RBL2: variants seen among roughly 807,000 people sequenced by gnomAD.
The protein encoded by RBL2 is RB transcriptional corepressor like 2.
RBL2 carries 56 observed loss-of-function variants against 126.0 expected under a neutral mutation model. That is an observed-to-expected ratio of 0.44 (90% CI 0.36 to 0.56). The LOEUF (loss-of-function observed/expected upper bound fraction) is 0.56, where lower values mean the gene tolerates loss of function less well. Among genes scored for constraint, RBL2 ranks in the 20% least tolerant of loss-of-function variants. RBL2 has a pLI of 0.00. For missense variants in RBL2, 1,229 were observed against 1,398.2 expected (o/e 0.88, Z 1.93); for synonymous variants, 454 against 478.5 (o/e 0.95, Z 0.67).
intron 21 of RBL2, 197 bp from the exon 22 acceptor site, chr16:53,489,933 C>T: frequency 2.5e-6 from 1 of 395,898 alleles, no homozygotes. Flanking sequence ...AACTACTCAG[C>T]CCCTTCTCAA....
chr16:53,458,721 G>C (rs929183640), intron 8 of RBL2, among the ~76,000 whole-genome samples: 1 of 152,188 alleles, frequency 6.6e-6, no homozygotes, highest in Non-Finnish European at 1.5e-5. Flanking sequence ...GGTGTGAGGC[G>C]AAAGGCACTT....
chr16:53,466,853 C>T (rs2058277272), intron 13 of RBL2: 2 of 481,480 alleles, frequency 4.2e-6, no homozygotes, highest in South Asian at 2.4e-5. Flanking sequence ...AAGTTTGACT[C>T]ATATTTAGTA....
At chr16:53,451,344 A>C (rs1404294143) in intron 4 of RBL2, among the ~76,000 whole-genome samples, 1 of 152,160 alleles carries the variant, frequency 6.6e-6, no homozygotes, top group African/African-American at 2.4e-5. Context: ...CATCTCTAAA[A>C]AAAGTTTTTA....
intron 7 of RBL2, 91 bp from the exon 8 acceptor site, chr16:53,454,565 A>T: frequency 8.3e-7 from 1 of 1,211,834 alleles, no homozygotes; most frequent in Non-Finnish European, 1.1e-6. Flanking sequence ...AAAAACTATT[A>T]GAACTTTTAG....
intron 10 of RBL2, among the ~76,000 whole-genome samples, 157 bp from the exon 11 acceptor site, chr16:53,462,395 A>G (rs576018445): frequency 6.6e-6 from 1 of 152,338 alleles, no homozygotes; most frequent in East Asian, 1.9e-4. Flanking sequence ...AAATTAAGGT[A>G]TCTTAGGGAT....
At chr16:53,482,917 GGAGACTAGGGA>G (rs1961013598) in intron 21 of RBL2, among the ~76,000 whole-genome samples, 1 of 152,014 alleles carries the variant, frequency 6.6e-6, no homozygotes. Flanking sequence ...GTATCATTGA[GGAGACTAGGGA>G]GACACGACAT....
intron 1 of RBL2, 92 bp downstream of exon 1, chr16:53,434,888 G>C: frequency 1.4e-6 from 2 of 1,390,158 alleles, no homozygotes; most frequent in Non-Finnish European, 1.9e-6. Flanking sequence ...ACTCTCGGGC[G>C]GGTTGCGGGC....
intron 17 of RBL2, among the ~76,000 whole-genome samples, chr16:53,475,787 C>T (rs1009383024): frequency 4.1e-5 from 6 of 145,518 alleles, no homozygotes; most frequent in African/African-American, 1.3e-4. Flanking sequence ...AAATCCTTTA[C>T]GTAGATATCA....
chr16:53,435,833 A>T, intron 1 of RBL2: 1 of 1,112,910 alleles, frequency 9.0e-7, no homozygotes, highest in Non-Finnish European at 1.2e-6. Flanking sequence ...ATTTTAATTC[A>T]ATTACTAGTT....
Position 53,470,873 on chromosome 16 carries a change from A to G in RBL2, c.2654A>G (p.Asp885Gly), listed in dbSNP as rs147400059. 6.2e-5 allele frequency: 100 copies of G among 1,614,184 alleles called. No homozygotes were observed. Among genetic ancestry groups the G allele is most frequent in the African/African-American group, 3.3e-4 (25 of 75,062 alleles). ...ATTCAGTGTCCTGAACTTATGATGG[A>G]CAGACATCTGGACCAGTTATTAATG... The part of the protein sequence containing the change: ...SIIQCPELMM[D>G]RHLDQLLMCA... Residue 885 changes from aspartate to glycine, a missense_variant, in exon 17 of 22, where the codon GAC becomes GGC. This residue lies in a region of RBL2 where 1,070 missense variants were observed against 1,274.3 expected (regional missense o/e 0.84). Transcript: ENST00000262133.
At chr16:53,465,691 G>T in intron 13 of RBL2, 89 bp downstream of exon 13, 1 of 1,044,106 alleles carries the variant, frequency 9.6e-7, no homozygotes, top group South Asian at 2.5e-5. Flanking sequence ...GTGGCAATTA[G>T]GTTTAATATG....
At chr16:53,459,752 CTA>C (rs2058202140) in intron 9 of RBL2, 135 bp downstream of exon 9, 2 of 766,254 alleles carry the variant, frequency 2.6e-6, no homozygotes, top group Admixed American at 3.6e-5. Context: ...TGTTGTGAGT[CTA>C]TAGAGGACCT....
chr16:53,471,341 T>G (rs2058321107), intron 17 of RBL2, among the ~76,000 whole-genome samples: 1 of 152,148 alleles, frequency 6.6e-6, no homozygotes, highest in Admixed American at 6.5e-5. Flanking sequence ...CAAAGTACTG[T>G]ACCATTTTAC....
Position 53,481,359 on chromosome 16 carries a change from A to G in RBL2, c.3085-312A>G, listed in dbSNP as rs908643299. 52 of 256,436 alleles carry G rather than the reference A, an allele frequency of 2.0e-4. 1 individual carries two copies. The highest frequency in any genetic ancestry group is 1.2e-3 in the African/African-American group (52 of 43,462). The allele number at this position is 256,436 out of a possible 1,614,324, so 15.9% of individuals were successfully genotyped here. ...ACTTAACAGTGGTGGTAACCTTGCA[A>G]ATCATTAAATTTTCTCTGTACCTCA... On this transcript the variant is annotated intron_variant, in intron 20 of 21. Transcript: ENST00000262133.
Position 53,442,725 on chromosome 16 carries a change from G to A in RBL2, c.439G>A (p.Glu147Lys). 1 of 1,613,846 alleles carries A rather than the reference G, an allele frequency of 6.2e-7. No individual in the cohort carries two copies. The highest frequency in any genetic ancestry group is 8.5e-7 in the Non-Finnish European group (1 of 1,179,794). The change falls in exon 3 of 22, where the codon GAA becomes AAA. Residue 147 changes from glutamate to lysine, a missense_variant. Glu to Lys is a moderately conservative substitution (Grantham distance 56). This residue lies in a region of RBL2 where 1,070 missense variants were observed against 1,274.3 expected (regional missense o/e 0.84). Transcript: ENST00000262133. ...GGCAAATCTACCCCCACATTTCAGAGAACGTACTGAGAGATTAGAAAGAAA... is the reference window on the plus strand; with the variant it reads ...GGCAAATCTACCCCCACATTTCAGAAAACGTACTGAGAGATTAGAAAGAAA... ...DMANLPPHFR[E>K]RTERLERNFT...
chr16:53,462,329 C>T (rs2058229820), intron 10 of RBL2, among the ~76,000 whole-genome samples: 1 of 152,088 alleles, frequency 6.6e-6, no homozygotes, highest in Non-Finnish European at 1.5e-5. Context: ...ATTACAGTTC[C>T]TTATGTGCAA....
In RBL2 at chr16:53,480,608, T is replaced by C; in HGVS notation, c.2923T>C (p.Leu975=). 6.2e-7 allele frequency: 1 copy of C among 1,614,020 alleles called. No homozygotes were observed. Among genetic ancestry groups the C allele is most frequent in the Non-Finnish European group, 8.5e-7 (1 of 1,179,994 alleles). Residue 975 remains leucine (L), a synonymous_variant, in exon 20 of 22, where the codon TTG becomes CTG. Coordinates refer to ENST00000262133, the MANE Select transcript of RBL2 (RefSeq NM_005611.4). The part of the protein sequence containing the change: ...SSPVMRSSST[L]PVPQPSSAPP... ...TCCAGTTATGAGGTCAAGCAGCACCTTGCCAGTTCCACAGCCCAGCAGTGC... is the reference window on the plus strand; with the variant it reads ...TCCAGTTATGAGGTCAAGCAGCACCCTGCCAGTTCCACAGCCCAGCAGTGC...
At chr16:53,474,568 G>A (rs960922728) in intron 17 of RBL2, among the ~76,000 whole-genome samples, 15 of 151,480 alleles carry the variant, frequency 9.9e-5, no homozygotes, top group African/African-American at 3.4e-4. Flanking sequence ...CACCTGCCTC[G>A]GCCTCCCAAA....
intron 4 of RBL2, 27 bp downstream of exon 4, chr16:53,447,133 A>G: frequency 8.5e-7 from 1 of 1,173,918 alleles, no homozygotes; most frequent in Admixed American, 2.2e-5. Context: ...ATTTATTTAG[A>G]TTTAATATGT....
Sources: gnomAD v4.1 joint callset for allele counts (sites outside exome capture counted in the v4.1 genomes callset) on GRCh38, gnomAD v4.1.1 for gene constraint, gnomAD v4.1.1 regional missense constraint, MANE v1.5 for transcripts, NCBI Gene and HGNC (gene_info 2026-07-23, HGNC 2026-07-21) for gene names.